OSBPL10: variants seen among roughly 807,000 people sequenced by gnomAD.
The protein encoded by OSBPL10 is oxysterol binding protein like 10.
A neutral mutation model predicts 81.7 loss-of-function variants in OSBPL10; 49 were observed. The observed-to-expected ratio is 0.60, with a 90% CI of 0.48 to 0.76. The LOEUF (loss-of-function observed/expected upper bound fraction) is 0.76, where lower values mean the gene tolerates loss of function less well. Among genes scored for constraint, OSBPL10 ranks in the 30% least tolerant of loss-of-function variants. The probability of loss-of-function intolerance (pLI) is 0.00; values close to 1 mark genes in which losing one functional copy is unlikely to be tolerated. For synonymous variants in OSBPL10, 419 were observed against 383.6 expected (o/e 1.09, Z -1.08); for missense variants, 923 against 987.8 (o/e 0.93, Z 0.88).
intron 6 of OSBPL10, among the ~76,000 whole-genome samples, chr3:31,705,736 C>T (rs1467821299): frequency 6.6e-6 from 1 of 152,192 alleles, no homozygotes; most frequent in Non-Finnish European, 1.5e-5. Flanking sequence ...CAAAGTCCTA[C>T]TTGTCTCCTG....
chr3:31,967,747 C>A (rs1328854628), intron 1 of OSBPL10, among the ~76,000 whole-genome samples: 1 of 152,172 alleles, frequency 6.6e-6, no homozygotes, highest in Non-Finnish European at 1.5e-5. Context: ...CAGGCACTCA[C>A]ACACTCAGGC....
intron 1 of OSBPL10, among the ~76,000 whole-genome samples, chr3:31,900,421 C>A (rs72851849): frequency 0.13 from 19,435 of 152,036 alleles, 1,753 homozygotes; most frequent in East Asian, 0.28. Context: ...ACCCTTGGTC[C>A]CTTGGCTGTG....
intron 3 of OSBPL10, among the ~76,000 whole-genome samples, chr3:31,849,661 T>C (rs1700713286): frequency 6.6e-6 from 1 of 152,142 alleles, no homozygotes; most frequent in Non-Finnish European, 1.5e-5. Flanking sequence ...ACTTATGACA[T>C]ATGCATTCCA....
intron 4 of OSBPL10, among the ~76,000 whole-genome samples, chr3:31,799,854 G>A (rs1236454224): frequency 3.3e-5 from 5 of 151,904 alleles, no homozygotes; most frequent in African/African-American, 7.3e-5. Context: ...GACTACAGGC[G>A]CCCACCACCA....
At chr3:31,917,028 G>A (rs1696775661) in intron 1 of OSBPL10, among the ~76,000 whole-genome samples, 1 of 152,158 alleles carries the variant, frequency 6.6e-6, no homozygotes, top group South Asian at 2.1e-4. Flanking sequence ...TAAATAATGT[G>A]AGGCTGTGCC....
intron 6 of OSBPL10, among the ~76,000 whole-genome samples, chr3:31,718,474 C>T (rs1184552858): frequency 6.6e-6 from 1 of 152,136 alleles, no homozygotes; most frequent in Non-Finnish European, 1.5e-5. Flanking sequence ...GATGACTTTC[C>T]AAGCTAGGTT....
chr3:32,012,772 A>T (rs534942359), intron 2 of OSBPL10, among the ~76,000 whole-genome samples: 2 of 152,304 alleles, frequency 1.3e-5, no homozygotes, highest in African/African-American at 4.8e-5. Flanking sequence ...TGGAAAACAA[A>T]AAAAGGCAGG....
At chr3:31,839,269 C>T (rs186553969) in intron 3 of OSBPL10, among the ~76,000 whole-genome samples, 61 of 152,320 alleles carry the variant, frequency 4.0e-4, no homozygotes, top group Non-Finnish European at 6.5e-4. Flanking sequence ...TTATCATACA[C>T]AAACATGAAA....
intron 3 of OSBPL10, among the ~76,000 whole-genome samples, chr3:31,838,391 G>C (rs1700411148): frequency 6.6e-6 from 1 of 151,780 alleles, no homozygotes; most frequent in Admixed American, 6.6e-5. Context: ...GCAGCCTGTA[G>C]TCCCAGCTAC....
intron 1 of OSBPL10, among the ~76,000 whole-genome samples, chr3:31,907,634 A>C (rs948131162): frequency 6.7e-5 from 10 of 148,464 alleles, no homozygotes; most frequent in Middle Eastern, 3.2e-3. Flanking sequence ...AAAAAAAAAA[A>C]AAAAAAAAAA....
At chr3:31,680,749 A>G (rs1700620197) in intron 8 of OSBPL10, among the ~76,000 whole-genome samples, 1 of 152,130 alleles carries the variant, frequency 6.6e-6, no homozygotes, top group African/African-American at 2.4e-5. Context: ...GGGATTCTCT[A>G]CAGCACAGCT....
At chr3:31,700,602 T>C (rs776397955) in intron 7 of OSBPL10, 4 of 152,252 alleles carry the variant, frequency 2.6e-5, no homozygotes, top group Non-Finnish European at 5.9e-5. Flanking sequence ...TATTTCATTC[T>C]TTAGAAATGG....
chr3:31,683,516 C>T, intron 8 of OSBPL10, 118 bp downstream of exon 8: 4 of 1,438,310 alleles, frequency 2.8e-6, no homozygotes, highest in Non-Finnish European at 3.7e-6. Flanking sequence ...CACTCTAATT[C>T]CAAAACCAGT....
chr3:31,936,425 G>A (rs906949300), intron 1 of OSBPL10, among the ~76,000 whole-genome samples: 2 of 152,248 alleles, frequency 1.3e-5, no homozygotes, highest in Admixed American at 6.5e-5. Context: ...AAGAATAAAT[G>A]TGCATATTTA....
chr3:31,726,679 T>C (rs1696817912), intron 6 of OSBPL10, among the ~76,000 whole-genome samples: 1 of 151,998 alleles, frequency 6.6e-6, no homozygotes, highest in Non-Finnish European at 1.5e-5. Flanking sequence ...GGATGCAATA[T>C]TTGGGACTAC....
At position 31,917,933 on chromosome 3, in the gene OSBPL10, G is replaced by GCCTT. The variant is rs559038244; in HGVS notation, c.282-38107_282-38104dup. Among the ~76,000 whole-genome samples the GCCTT allele has an allele frequency of 5.1e-3, 780 of 151,968 alleles. 8 individuals carry two copies. Among genetic ancestry groups the GCCTT allele is most frequent in the African/African-American group, 0.018 (748 of 41,418 alleles). On this transcript the variant is annotated intron_variant, in intron 1 of 11. Transcript: ENST00000396556. The stretch of plus-strand genomic sequence containing the variant: ...ATTAAATCTTTAAGTGGTGCTAACA[G>GCCTT]CCTTAATAACTTTAATTTGTTAAAT...
intron 1 of OSBPL10, among the ~76,000 whole-genome samples, chr3:31,923,881 T>C (rs994865393): frequency 1.3e-5 from 2 of 152,170 alleles, no homozygotes; most frequent in Non-Finnish European, 2.9e-5. Flanking sequence ...CAAATTCATG[T>C]TATTTATAAT....
intron 1 of OSBPL10, among the ~76,000 whole-genome samples, chr3:31,907,596 C>T (rs925880516): frequency 1.6e-5 from 2 of 128,558 alleles, no homozygotes; most frequent in African/African-American, 6.1e-5. Flanking sequence ...CACTGCACTC[C>T]AGCCTGGGTG....
At chr3:31,905,356 T>TTTTTTTTTTC (rs1553639318) in intron 1 of OSBPL10, among the ~76,000 whole-genome samples, 1 of 145,848 alleles carries the variant, frequency 6.9e-6, no homozygotes, top group African/African-American at 2.6e-5. Flanking sequence ...TTTTTTTTTT[T>TTTTTTTTTTC]TTTTTTTTTT....
Sources: gnomAD v4.1 joint callset for allele counts (sites outside exome capture counted in the v4.1 genomes callset) on GRCh38, gnomAD v4.1.1 for gene constraint, MANE v1.5 for transcripts, NCBI Gene and HGNC (gene_info 2026-07-23, HGNC 2026-07-21) for gene names.